FOXN3: variants seen among roughly 807,000 people sequenced by gnomAD.
The protein encoded by FOXN3 is forkhead box N3.
FOXN3 carries 7 observed loss-of-function variants against 38.4 expected under a neutral mutation model. That is an observed-to-expected ratio of 0.18 (90% CI 0.10 to 0.34). The LOEUF (loss-of-function observed/expected upper bound fraction) is 0.34. Ranked by LOEUF, FOXN3 falls within the 10% of genes least tolerant of loss-of-function variation. The pLI, the probability that FOXN3 is intolerant of heterozygous loss-of-function variation, is 1.00. For missense variants in FOXN3, 456 were observed against 613.4 expected (o/e 0.74, Z 2.71); for synonymous variants, 230 against 242.2 (o/e 0.95, Z 0.47).
rs1887002385 is a variant in FOXN3 at position 89,157,299 on chromosome 14, G to C, written c.*5115C>G. On this transcript the variant is annotated 3_prime_UTR_variant, in exon 6 of 6. Transcript: ENST00000557258. The stretch of plus-strand genomic sequence containing the variant: ...ACTGTGTTTTCCTTCCTTAATTTTT[G>C]GTCAGTGAAGCTAGCACTTGTTTGC... 6.6e-6 allele frequency: 1 copy of C among 152,594 alleles called. No homozygotes were observed. The highest frequency in any genetic ancestry group is 1.5e-5 in the Non-Finnish European group (1 of 68,032). 9.5% of individuals were successfully genotyped at this position (152,594 alleles called of 1,614,324 possible). A position where few individuals can be genotyped will look rare whatever the true frequency, so the allele number is the denominator to read the frequency against.
intron 1 of FOXN3, among the ~76,000 whole-genome samples, chr14:89,500,589 G>T (rs1566676933): frequency 2.0e-5 from 3 of 152,324 alleles, no homozygotes; most frequent in African/African-American, 7.2e-5. Flanking sequence ...CCATGCTGGG[G>T]GTGTGCCCCT....
chr14:89,285,865 T>TAAA (rs1566946758), intron 3 of FOXN3, among the ~76,000 whole-genome samples: 65 of 37,050 alleles, frequency 1.8e-3, no homozygotes, highest in African/African-American at 3.8e-3. Flanking sequence ...TACCAAAAAT[T>TAAA]TTTTTTTTTT....
chr14:89,363,948 A>ATATATATATAT (rs1889989501), intron 2 of FOXN3, among the ~76,000 whole-genome samples: 1 of 2,168 alleles, frequency 4.6e-4, no homozygotes, highest in African/African-American at 5.2e-4. Context: ...TGTCTGTAAA[A>ATATATATATAT]TATATATATA....
intron 4 of FOXN3, among the ~76,000 whole-genome samples, chr14:89,231,075 G>A (rs1274578030): frequency 6.6e-6 from 1 of 152,176 alleles, no homozygotes; most frequent in Non-Finnish European, 1.5e-5. Flanking sequence ...TTGATGAGGA[G>A]AAGCATGCCT....
At position 89,182,558 on chromosome 14, in the gene FOXN3, C is replaced by T. The variant is rs896621640; in HGVS notation, c.746-1752G>A. Among the ~76,000 whole-genome samples, 6 of 152,298 alleles carry T rather than the reference C, an allele frequency of 3.9e-5. No individual in the cohort carries two copies. The East Asian group carries it at 1.2e-3, about 29-fold the overall frequency. On this transcript the variant is annotated intron_variant, in intron 4 of 5. Coordinates refer to ENST00000557258, the MANE Select transcript of FOXN3 (RefSeq NM_005197.4). ...TGATTATCAGCCTGATTTCCGCTAA[C>T]AGACCACCTTATCTGAGGCAGGAGA... is the stretch of plus-strand genomic sequence containing the variant.
At chr14:89,437,007 C>T (rs1027884578) in intron 1 of FOXN3, among the ~76,000 whole-genome samples, 1 of 151,980 alleles carries the variant, frequency 6.6e-6, no homozygotes, top group Non-Finnish European at 1.5e-5. Context: ...ATTAGCCAGG[C>T]GTGGTGGCAG....
At chr14:89,180,278 C>A (rs570637510) in intron 5 of FOXN3, among the ~76,000 whole-genome samples, 4 of 152,262 alleles carry the variant, frequency 2.6e-5, no homozygotes, top group Middle Eastern at 3.4e-3. Flanking sequence ...TTTGATTTTC[C>A]CCGCAACCCC....
At chr14:89,227,554 T>C (rs906923824) in intron 4 of FOXN3, among the ~76,000 whole-genome samples, 12 of 152,230 alleles carry the variant, frequency 7.9e-5, no homozygotes, top group African/African-American at 2.9e-4. Context: ...TCAAAGGTTC[T>C]AGACCAGCGG....
chr14:89,354,103 TAGG>T (rs1889093765), intron 2 of FOXN3, among the ~76,000 whole-genome samples: 1 of 152,166 alleles, frequency 6.6e-6, no homozygotes, highest in African/African-American at 2.4e-5. Context: ...ATGTTTCTAA[TAGG>T]AGAGAGAAGG....
chr14:89,322,688 G>A (rs937948930), intron 3 of FOXN3, among the ~76,000 whole-genome samples: 2 of 152,082 alleles, frequency 1.3e-5, no homozygotes, highest in Non-Finnish European at 2.9e-5. Flanking sequence ...CAGATGTTTC[G>A]GAGGAATCAC....
intron 2 of FOXN3, among the ~76,000 whole-genome samples, chr14:89,362,434 A>T (rs1320439863): frequency 1.3e-4 from 3 of 23,702 alleles, no homozygotes; most frequent in African/African-American, 4.0e-4. Context: ...CACCACCACC[A>T]CCACCACCTC....
intron 3 of FOXN3, among the ~76,000 whole-genome samples, chr14:89,299,634 C>T (rs1169285129): frequency 1.3e-5 from 2 of 152,144 alleles, no homozygotes; most frequent in Non-Finnish European, 2.9e-5. Flanking sequence ...GAAGGTGGCC[C>T]GGGGATACCT....
intron 3 of FOXN3, 119 bp from the exon 4 acceptor site, chr14:89,281,133 A>G: frequency 1.3e-6 from 1 of 791,612 alleles, no homozygotes; most frequent in African/African-American, 1.7e-5. Context: ...ACCCTTTGAA[A>G]ATGCATCCTC....
At chr14:89,200,457 C>T (rs1888208519) in intron 4 of FOXN3, among the ~76,000 whole-genome samples, 1 of 152,150 alleles carries the variant, frequency 6.6e-6, no homozygotes, top group South Asian at 2.1e-4. Flanking sequence ...GTCTCAGGCG[C>T]CCCAATTCTA....
chr14:89,395,357 T>C (rs1891072803), intron 2 of FOXN3, among the ~76,000 whole-genome samples: 1 of 152,164 alleles, frequency 6.6e-6, no homozygotes, highest in Non-Finnish European at 1.5e-5. Flanking sequence ...GAATCTAAGG[T>C]TCAGAGAGGT....
chr14:89,223,858 T>C (rs527602894), intron 4 of FOXN3, among the ~76,000 whole-genome samples: 2 of 148,104 alleles, frequency 1.4e-5, no homozygotes, highest in Non-Finnish European at 3.0e-5. Context: ...AAATCAGGTC[T>C]GTAGAATGAA....
At chr14:89,299,334 C>T (rs932408645) in intron 3 of FOXN3, among the ~76,000 whole-genome samples, 1 of 152,218 alleles carries the variant, frequency 6.6e-6, no homozygotes, top group Admixed American at 6.5e-5. Flanking sequence ...AGCTGTCTTG[C>T]CTGCCACCAT....
At chr14:89,555,079 C>T (rs1039818132) in intron 1 of FOXN3, among the ~76,000 whole-genome samples, 33 of 151,850 alleles carry the variant, frequency 2.2e-4, no homozygotes, top group African/African-American at 8.0e-4. Context: ...GCATAAGCCA[C>T]CACACTCAGC....
chr14:89,483,624 T>C (rs576655850), intron 1 of FOXN3, among the ~76,000 whole-genome samples: 1 of 152,288 alleles, frequency 6.6e-6, no homozygotes, highest in Non-Finnish European at 1.5e-5. Context: ...GTCAGGCTGG[T>C]CTTGAACTCC....
Sources: allele counts gnomAD v4.1 joint callset (sites outside exome capture counted in the v4.1 genomes callset), GRCh38; gene constraint gnomAD v4.1.1; transcripts MANE v1.5; gene names NCBI Gene and HGNC (gene_info 2026-07-23, HGNC 2026-07-21).